KCNK9: variants seen among roughly 807,000 people sequenced by gnomAD.
The protein encoded by KCNK9 is potassium channel subfamily K member 9.
Under a neutral mutation model 10.8 loss-of-function variants are expected in KCNK9, and 1 was observed. The observed-to-expected ratio is 0.09, with a 90% confidence interval of 0.03 to 0.44. The LOEUF (loss-of-function observed/expected upper bound fraction) is 0.44, where lower values mean the gene tolerates loss of function less well. Ranked by LOEUF, KCNK9 falls within the 20% of genes least tolerant of loss-of-function variation. The probability of loss-of-function intolerance (pLI) is 0.97; values close to 1 mark genes in which losing one functional copy is unlikely to be tolerated. For missense variants in KCNK9, 303 were observed against 515.0 expected (o/e 0.59, Z 3.98); for synonymous variants, 231 against 222.7 (o/e 1.04, Z -0.33).
chr8:139,613,657 C>T (rs955490634), downstream of KCNK9, among the ~76,000 whole-genome samples: 4 of 152,226 alleles, frequency 2.6e-5, no homozygotes, highest in Non-Finnish European at 5.9e-5. Flanking sequence ...CCCAAGCTGT[C>T]TCGTTGTGTT....
chr8:139,639,261 C>G (rs1233293768), intron 1 of KCNK9, among the ~76,000 whole-genome samples: 3 of 152,228 alleles, frequency 2.0e-5, no homozygotes, highest in African/African-American at 7.2e-5. Flanking sequence ...ACCAGAATCC[C>G]CTGGGACAGT....
rs1814680345 is a variant in KCNK9 at position 139,618,739 on chromosome 8, T to C, written c.644A>G (p.Gln215Arg). 1 of 1,614,068 alleles carries C rather than the reference T, an allele frequency of 6.2e-7. No homozygotes were observed. The highest frequency in any genetic ancestry group is 8.5e-7 in the Non-Finnish European group (1 of 1,180,042). ...YVALQTKGAL[Q>R]KKPLYVAFSF... Reference sequence around the variant, plus strand: ...AAAGGCCACGTAGAGCGGCTTCTTCTGCAGGGCACCCTTGGTCTGCAGGGC... The same window carrying C: ...AAAGGCCACGTAGAGCGGCTTCTTCCGCAGGGCACCCTTGGTCTGCAGGGC... The change falls in exon 2 of 2, where the codon CAG becomes CGG. Residue 215 changes from glutamine to arginine, a missense_variant. Around this residue, in one of 5 missense-constraint regions of KCNK9, gnomAD observed 53 missense variants for 134.9 expected, o/e 0.39. Coordinates refer to ENST00000520439, the MANE Select transcript of KCNK9 (RefSeq NM_001282534.2). The surrounding 1 kb of genome is among the most constrained non-coding windows in gnomAD (Gnocchi z 7.9).
chr8:139,684,426 C>T (rs937195340), intron 1 of KCNK9, among the ~76,000 whole-genome samples: 1 of 152,060 alleles, frequency 6.6e-6, no homozygotes, highest in Non-Finnish European at 1.5e-5. Flanking sequence ...TAACTTTATA[C>T]CTTATTTTTA....
chr8:139,692,647 C>T (rs935537930), intron 1 of KCNK9, among the ~76,000 whole-genome samples: 1 of 152,174 alleles, frequency 6.6e-6, no homozygotes, highest in Non-Finnish European at 1.5e-5. Context: ...CAGGGAGAGC[C>T]TCTCATCATG....
At chr8:139,605,672 A>C (rs904879237) in intron 2 of KCNK9, among the ~76,000 whole-genome samples, 1 of 152,228 alleles carries the variant, frequency 6.6e-6, no homozygotes, top group Admixed American at 6.5e-5. Context: ...AATTAGAAAA[A>C]TGCATTATTG....
At position 139,693,263 on chromosome 8, in the gene KCNK9, C is replaced by G. The variant is rs1816973341; in HGVS notation, c.283+9447G>C. Among the ~76,000 whole-genome samples the G allele has an allele frequency of 6.6e-6, 1 of 152,286 alleles. No individual in the cohort carries two copies. The highest frequency in any genetic ancestry group is 6.5e-5 in the Admixed American group (1 of 15,300). Reference sequence around the variant, plus strand: ...AGATGCCCTGCAGACTCACAGAGGCCTGGCGCCAGCAGCTGGCCTTGGGGA... The same window carrying G: ...AGATGCCCTGCAGACTCACAGAGGCGTGGCGCCAGCAGCTGGCCTTGGGGA... On this transcript the variant is annotated intron_variant, in intron 1 of 1. Transcript: ENST00000520439. This position sits in a 1 kb window ranked among gnomAD's most constrained non-coding sequence, Gnocchi z 4.1.
In KCNK9 at chr8:139,700,544, G is replaced by GCGCA. The variant is rs796638723; in HGVS notation, c.283+2165_283+2166insTGCG. Among the ~76,000 whole-genome samples the GCGCA allele has an allele frequency of 4.4e-3, 631 of 142,606 alleles. 2 individuals are homozygous for GCGCA. Among genetic ancestry groups the GCGCA allele is most frequent in the African/African-American group, 0.015 (578 of 38,110 alleles). The allele number at this position is 142,606 out of a possible 152,430, so 93.6% of individuals were successfully genotyped here. A position where few individuals can be genotyped will look rare whatever the true frequency, so the allele number is the denominator to read the frequency against. On this transcript the variant is annotated intron_variant, in intron 1 of 1. Transcript: ENST00000520439. ...CGCACACACACACACACACACGCGCGCACACACACACACACACACATTTTT... is the reference window on the plus strand; with the variant it reads ...CGCACACACACACACACACACGCGCGCGCACACACACACACACACACACATTTTT...
chr8:139,651,980 A>G (rs1815879283), intron 1 of KCNK9, among the ~76,000 whole-genome samples: 1 of 152,082 alleles, frequency 6.6e-6, no homozygotes, highest in African/African-American at 2.4e-5. Flanking sequence ...CCCTGCTGCA[A>G]TGAGAAGCAC....
At chr8:139,686,272 C>G (rs1392113659) in intron 1 of KCNK9, among the ~76,000 whole-genome samples, 3 of 152,164 alleles carry the variant, frequency 2.0e-5, no homozygotes, top group African/African-American at 4.8e-5. Context: ...TGGCATCTAA[C>G]TAAACTAAAG....
At chr8:139,638,713 C>T (rs897854167) in intron 1 of KCNK9, among the ~76,000 whole-genome samples, 10 of 152,226 alleles carry the variant, frequency 6.6e-5, no homozygotes, top group South Asian at 2.1e-4. Context: ...GCTCTGGGGC[C>T]GGGCAAAGTC....
At chr8:139,683,458 A>G (rs552224443) in intron 1 of KCNK9, among the ~76,000 whole-genome samples, 12 of 152,324 alleles carry the variant, frequency 7.9e-5, no homozygotes, top group South Asian at 6.2e-4. Context: ...CCAGATGCCA[A>G]ATGAAGCAGC....
chr8:139,662,517 A>G (rs1816182205), intron 1 of KCNK9, among the ~76,000 whole-genome samples: 2 of 152,132 alleles, frequency 1.3e-5, no homozygotes. Context: ...TGCCACCACC[A>G]GCCGCTGGCC....
intron 1 of KCNK9, among the ~76,000 whole-genome samples, chr8:139,694,061 A>G (rs1192370856): frequency 6.6e-6 from 1 of 152,038 alleles, no homozygotes; most frequent in African/African-American, 2.4e-5. Flanking sequence ...GGATGGTAGG[A>G]GCTTTTCCAT....
intron 1 of KCNK9, among the ~76,000 whole-genome samples, chr8:139,663,595 GAGGGAAACCC>G (rs1402539847): frequency 6.6e-6 from 1 of 152,002 alleles, no homozygotes; most frequent in African/African-American, 2.4e-5. Flanking sequence ...CACAGAGACA[GAGGGAAACCC>G]AGGCATTCAC....
chr8:139,654,240 T>C (rs1195944423), intron 1 of KCNK9, among the ~76,000 whole-genome samples: 1 of 152,244 alleles, frequency 6.6e-6, no homozygotes, highest in East Asian at 1.9e-4. Flanking sequence ...TTTTTAATAC[T>C]TACATGGAAA....
chr8:139,687,112 G>A (rs1311556693), intron 1 of KCNK9, among the ~76,000 whole-genome samples: 4 of 151,878 alleles, frequency 2.6e-5, no homozygotes, highest in African/African-American at 9.7e-5. Context: ...AATAAATGTT[G>A]ACAACTAATT....
chr8:139,657,863 C>T (rs1220081495), intron 1 of KCNK9, among the ~76,000 whole-genome samples: 28 of 152,192 alleles, frequency 1.8e-4, no homozygotes, highest in Admixed American at 1.5e-3. Flanking sequence ...CCAGCGGTCC[C>T]CACCCACATC....
intron 1 of KCNK9, among the ~76,000 whole-genome samples, chr8:139,697,613 T>C (rs563876198): frequency 1.3e-5 from 2 of 152,152 alleles, no homozygotes; most frequent in East Asian, 3.9e-4. Context: ...CTGTTTCACC[T>C]ACTGCTCTGA....
At chr8:139,609,004 G>A (rs531567962), downstream of KCNK9, among the ~76,000 whole-genome samples, 20 of 136,874 alleles carry the variant, frequency 1.5e-4, no homozygotes, top group South Asian at 4.6e-4. Flanking sequence ...CCACCCCCGC[G>A]TATGTATTTG....
Sources: gnomAD v4.1 joint callset for allele counts (sites outside exome capture counted in the v4.1 genomes callset) on GRCh38, gnomAD v4.1.1 for gene constraint, gnomAD v4.1.1 regional missense constraint, Gnocchi (gnomAD v3.1) non-coding constraint, MANE v1.5 for transcripts, NCBI Gene and HGNC (gene_info 2026-07-23, HGNC 2026-07-21) for gene names.